TMEM239: variants seen among roughly 807,000 people sequenced by gnomAD.
The protein encoded by TMEM239 is transmembrane protein 239.
In TMEM239, 10 loss-of-function variants were observed where a neutral mutation model predicts 14.6. The observed-to-expected ratio is 0.68, with a 90% CI of 0.42 to 1.16. The LOEUF (loss-of-function observed/expected upper bound fraction) is 1.16, where lower values mean the gene tolerates loss of function less well. TMEM239 is among the 50% of genes most tolerant of loss of function. The pLI is 0.00. For synonymous variants in TMEM239, 94 were observed against 89.9 expected, an observed-to-expected ratio of 1.05 and a Z score of -0.26; for missense variants, 183 against 194.4, an observed-to-expected ratio of 0.94 and a Z score of 0.35.
In TMEM239 at chr20:2,817,543, C is replaced by T; in HGVS notation, c.*530C>T. On this transcript the variant is annotated 3_prime_UTR_variant, in exon 2 of 2. Transcript: ENST00000380585. ...GCTGGCCAGAAGCCCCAGGAGACCTCAACTCACTCGCTCTCCAAACCTTGC... is the reference window on the plus strand; with the variant it reads ...GCTGGCCAGAAGCCCCAGGAGACCTTAACTCACTCGCTCTCCAAACCTTGC... 1.2e-5 allele frequency: 2 copies of T among 166,470 alleles called. No individual in the cohort carries two copies. Among genetic ancestry groups the T allele is most frequent in the South Asian group, 3.3e-4 (2 of 6,040 alleles). 10.3% of individuals were successfully genotyped at this position (166,470 alleles called of 1,614,324 possible).
In TMEM239 at chr20:2,816,793, C is replaced by A. The variant is rs1241627575; in HGVS notation, c.239C>A (p.Ala80Glu). The A allele has an allele frequency of 6.4e-7, 1 of 1,551,122 alleles. No individual in the cohort carries two copies. Among genetic ancestry groups the A allele is most frequent in the Non-Finnish European group, 8.7e-7 (1 of 1,147,002 alleles). ...CTGCTGGCACTGATGTTGTGCCATG[C>A]ACTCTTCACCACTGGCTCCCACCTG... The part of the protein sequence containing the change: ...YLLLALMLCH[A>E]LFTTGSHLLS... Residue 80 changes from alanine (A) to glutamate (E), a missense_variant, in exon 2 of 2, where the codon GCA becomes GAA. Ala to Glu is a moderately radical substitution (Grantham distance 107, BLOSUM62 -1). Transcript: ENST00000380585.
rs372692040 is a variant in TMEM239 at position 2,816,569 on chromosome 20, G to T, written c.15G>T (p.Pro5=). The T allele has an allele frequency of 2.2e-6, 3 of 1,372,334 alleles. No individual in the cohort carries two copies. Among genetic ancestry groups the T allele is most frequent in the Admixed American group, 4.4e-5 (2 of 45,584 alleles). The allele number at this position is 1,372,334 out of a possible 1,614,324, so 85.0% of individuals were successfully genotyped here. A position where few individuals can be genotyped will look rare whatever the true frequency, so the allele number is the denominator to read the frequency against. MMQQ[P]RVETDTIGAG... is the part of the protein sequence containing the mutation. Reference sequence around the variant, plus strand: ...GTGCACCAGACATGATGCAGCAGCCGCGAGTGGAGACAGATACCATCGGGG... The same window carrying T: ...GTGCACCAGACATGATGCAGCAGCCTCGAGTGGAGACAGATACCATCGGGG... Residue 5 remains proline, a synonymous_variant, in exon 2 of 2, where the codon CCG becomes CCT. Coordinates refer to ENST00000380585, the MANE Select transcript of TMEM239 (RefSeq NM_001167670.3).
At chr20:2,816,266 C>G (rs1600278669), upstream of TMEM239, 1 of 1,405,246 alleles carries the variant, frequency 7.1e-7, no homozygotes, top group East Asian at 2.5e-5. Flanking sequence ...CCTACAGTGA[C>G]TCCTCTCTTG....
chr20:2,815,886 C>G, upstream of TMEM239: 1 of 844,280 alleles, frequency 1.2e-6, no homozygotes, highest in Non-Finnish European at 1.9e-6. Flanking sequence ...CCCTTTCTTC[C>G]CAGCCTGAAC....
rs1028623079 is a variant in TMEM239, at chr20:2,816,868, C to T, written c.314C>T (p.Pro105Leu). Residue 105 changes from proline to leucine, a missense_variant, in exon 2 of 2, where the codon CCG (proline) becomes CTG (leucine). Pro to Leu is a moderately conservative substitution (Grantham distance 98). Coordinates refer to ENST00000380585, the MANE Select transcript of TMEM239 (RefSeq NM_001167670.3). ...VVAAVWRHLL[P>L]ALLLLVLSAL... ...GCCGCGGTGTGGCGCCACCTGCTAC[C>T]GGCTCTCCTGCTGCTGGTGCTCAGT... 55 of 1,545,624 alleles carry T rather than the reference C, an allele frequency of 3.6e-5. No individual in the cohort carries two copies. The Admixed American group carries it at 5.3e-4, about 15-fold the overall frequency.
chr20:2,816,481 C>T, intron 1 of TMEM239, 63 bp from the exon 2 acceptor site: 1 of 1,493,186 alleles, frequency 6.7e-7, no homozygotes, highest in Non-Finnish European at 8.8e-7. Context: ...GACCCCTGCA[C>T]CCCCTCTCTG....
intron 1 of TMEM239, 56 bp from the exon 2 acceptor site, chr20:2,816,488 T>TC: frequency 7.3e-7 from 1 of 1,362,342 alleles, no homozygotes; most frequent in South Asian, 1.3e-5. Context: ...GCACCCCCTC[T>TC]CTGCCCCCCC....
chr20:2,816,256 C>T (rs2088667290), upstream of TMEM239: 2 of 1,339,060 alleles, frequency 1.5e-6, no homozygotes, highest in African/African-American at 2.8e-5. Flanking sequence ...GGCCTCACAC[C>T]CTACAGTGAC....
At position 2,817,166 on chromosome 20, in the gene TMEM239, C is replaced by A. The variant is rs2088686771; in HGVS notation, c.*153C>A. On this transcript the variant is annotated 3_prime_UTR_variant, in exon 2 of 2. Coordinates refer to ENST00000380585, the MANE Select transcript of TMEM239 (RefSeq NM_001167670.3). Reference sequence around the variant, plus strand: ...ACAGGTAGACTGGCCTGACCCCGGACTCCTTCCTCAAGTCAATGCTGCAGG... The same window carrying A: ...ACAGGTAGACTGGCCTGACCCCGGAATCCTTCCTCAAGTCAATGCTGCAGG... 6 of 989,112 alleles carry A rather than the reference C, an allele frequency of 6.1e-6. No individual in the cohort carries two copies. Among genetic ancestry groups the A allele is most frequent in the African/African-American group, 1.6e-5 (1 of 61,212 alleles). The allele number at this position is 989,112 out of a possible 1,614,324, so 61.3% of individuals were successfully genotyped here.
chr20:2,816,501 C>T lies in TMEM239; in HGVS notation c.-11-43C>T, dbSNP rs6132970. On this transcript the variant is annotated intron_variant, in intron 1 of 1. Transcript: ENST00000380585. Reference sequence around the variant, plus strand: ...CTGCACCCCCTCTCTGCCCCCCCCCCCCAAGGTCCCAGGCATCTTCAAGAC... The same window carrying T: ...CTGCACCCCCTCTCTGCCCCCCCCCTCCAAGGTCCCAGGCATCTTCAAGAC... 3.9e-4 allele frequency: 590 copies of T among 1,528,342 alleles called. 1 individual carries two copies. The East Asian group carries it at 0.011, about 30-fold the overall frequency. The allele number at this position is 1,528,342 out of a possible 1,614,324, so 94.7% of individuals were successfully genotyped here. A position where few individuals can be genotyped will look rare whatever the true frequency, so the allele number is the denominator to read the frequency against.
chr20:2,818,914 T>G (rs2088702473), downstream of TMEM239: 2 of 152,314 alleles, frequency 1.3e-5, no homozygotes, highest in African/African-American at 4.8e-5. Flanking sequence ...AGGCCCAGGA[T>G]AGCCAGTTGC....
At chr20:2,820,159 T>C (rs1258324994), downstream of TMEM239, 1 of 152,156 alleles carries the variant, frequency 6.6e-6, no homozygotes, top group East Asian at 1.9e-4. Flanking sequence ...AAGACAATTT[T>C]TGGCAAGAAC....
chr20:2,818,980 G>A (rs113924092), downstream of TMEM239: 1 of 152,250 alleles, frequency 6.6e-6, no homozygotes, highest in African/African-American at 2.4e-5. Context: ...GAAGGTGAAG[G>A]GGGCAAAGGA....
At chr20:2,815,978 G>T (rs2088664301), upstream of TMEM239, 2 of 618,360 alleles carry the variant, frequency 3.2e-6, no homozygotes, top group East Asian at 5.5e-5. Flanking sequence ...TAGCCAGGGA[G>T]CCCAAGGAAG....
downstream of TMEM239, chr20:2,818,660 C>T (rs2088700875): frequency 6.6e-6 from 1 of 152,306 alleles, no homozygotes; most frequent in South Asian, 2.1e-4. Context: ...GATGTGGTCT[C>T]ATGGTTGGAT....
upstream of TMEM239, chr20:2,816,194 G>A (rs1162472190): frequency 2.1e-5 from 14 of 676,122 alleles, no homozygotes; most frequent in African/African-American, 1.8e-5. Flanking sequence ...CATCTGCGGG[G>A]CTCCGAGGCT....
In TMEM239 at chr20:2,817,182, A is replaced by C. The variant is rs2088686842; in HGVS notation, c.*169A>C. 3 of 827,968 alleles carry C rather than the reference A, an allele frequency of 3.6e-6. No homozygotes were observed. Among genetic ancestry groups the C allele is most frequent in the Non-Finnish European group, 5.5e-6 (3 of 542,378 alleles). The allele number at this position is 827,968 out of a possible 1,614,324, so 51.3% of individuals were successfully genotyped here. On this transcript the variant is annotated 3_prime_UTR_variant, in exon 2 of 2. Coordinates refer to ENST00000380585, the MANE Select transcript of TMEM239 (RefSeq NM_001167670.3). ...GACCCCGGACTCCTTCCTCAAGTCA[A>C]TGCTGCAGGTTCCTGGTGTGAGGGG...
At chr20:2,816,495 C>G (rs760942106) in intron 1 of TMEM239, 49 bp from the exon 2 acceptor site, 37 of 1,520,124 alleles carry the variant, frequency 2.4e-5, no homozygotes, top group East Asian at 7.4e-5. Context: ...CTCTCTGCCC[C>G]CCCCCCCCAA....
rs2088681990 is a variant in TMEM239, at chr20:2,816,912, T to C, written c.358T>C (p.Phe120Leu). Residue 120 changes from phenylalanine to leucine, a missense_variant, in exon 2 of 2, where the codon TTC (phenylalanine) becomes CTC (leucine). Transcript: ENST00000380585. ...GCTCAGTGCTCTGCCTGCCCTCCTC[T>C]TCACGGCCTCCTTCCTGCTGCTCTT... The part of the protein sequence containing the change: ...LVLSALPALL[F>L]TASFLLLFST... The C allele has an allele frequency of 3.2e-6, 5 of 1,540,488 alleles. No homozygotes were observed. Among genetic ancestry groups the C allele is most frequent in the Non-Finnish European group, 4.4e-6 (5 of 1,147,062 alleles).
Sources: allele counts gnomAD v4.1 joint callset, GRCh38; gene constraint gnomAD v4.1.1; transcripts MANE v1.5; gene names NCBI Gene and HGNC (gene_info 2026-07-23, HGNC 2026-07-21).